The following PTPRN2 variants were observed in gnomAD, a reference collection of about 807,000 sequenced individuals.
PTPRN2 encodes receptor-type tyrosine-protein phosphatase N2.
PTPRN2 carries 74 observed loss-of-function variants against 118.8 expected under a neutral mutation model. The ratio of observed to expected loss-of-function variants is 0.62; its 90% CI spans 0.52 to 0.76. The LOEUF (loss-of-function observed/expected upper bound fraction) is 0.76. Among genes scored for constraint, PTPRN2 ranks in the 30% least tolerant of loss-of-function variants. The pLI, the probability that PTPRN2 is intolerant of heterozygous loss-of-function variation, is 0.00. For missense variants in PTPRN2, 1,481 were observed against 1,394.4 expected, an observed-to-expected ratio of 1.06 and a Z score of -0.99; for synonymous variants, 641 against 608.0, an observed-to-expected ratio of 1.05 and a Z score of -0.80.
chr7:157,811,249 T>C (rs1219990884), intron 12 of PTPRN2, among the ~76,000 whole-genome samples: 2 of 145,640 alleles, frequency 1.4e-5, no homozygotes, highest in African/African-American at 2.6e-5. Flanking sequence ...CCAGCCTGGA[T>C]GACAGAGCGA....
chr7:158,270,740 C>A (rs997856374), intron 3 of PTPRN2, among the ~76,000 whole-genome samples: 1 of 150,486 alleles, frequency 6.6e-6, no homozygotes, highest in Non-Finnish European at 1.5e-5. Flanking sequence ...CCTTCTCTAC[C>A]TGAGCCGTCT....
intron 6 of PTPRN2, among the ~76,000 whole-genome samples, chr7:158,166,361 A>T (rs55646019): frequency 0.47 from 4,646 of 9,956 alleles, 1,507 homozygotes; most frequent in African/African-American, 0.64. Context: ...TCCTCCTCCC[A>T]CTGGCCGCCG....
At chr7:157,955,753 G>T (rs555121166) in intron 11 of PTPRN2, among the ~76,000 whole-genome samples, 1 of 152,198 alleles carries the variant, frequency 6.6e-6, no homozygotes, top group Non-Finnish European at 1.5e-5. Flanking sequence ...GACACCCTGC[G>T]GGGTTTGCCT....
intron 6 of PTPRN2, among the ~76,000 whole-genome samples, chr7:158,161,104 GA>G (rs1015469117): frequency 5.3e-5 from 8 of 152,146 alleles, no homozygotes; most frequent in Non-Finnish European, 1.2e-4. Flanking sequence ...TCAGGATTAT[GA>G]CTGGCTCCCA....
At chr7:157,895,607 G>C (rs1011964386) in intron 12 of PTPRN2, among the ~76,000 whole-genome samples, 5 of 152,190 alleles carry the variant, frequency 3.3e-5, no homozygotes, top group African/African-American at 1.2e-4. Flanking sequence ...CAGCATTTGA[G>C]TTTTACAGCA....
At chr7:158,067,394 C>T (rs1464055903) in intron 11 of PTPRN2, among the ~76,000 whole-genome samples, 1 of 152,180 alleles carries the variant, frequency 6.6e-6, no homozygotes, top group Non-Finnish European at 1.5e-5. Context: ...AGCTCTTGGA[C>T]TGCAGCTGTG....
Position 158,007,167 on chromosome 7 carries a change from A to G in PTPRN2, c.1723+74131T>C, listed in dbSNP as rs77893112. Among the ~76,000 whole-genome samples, 875 of 152,184 alleles carry G rather than the reference A, an allele frequency of 5.7e-3. 6 individuals carry two copies. The highest frequency in any genetic ancestry group is 0.02 in the African/African-American group (843 of 41,526). The stretch of plus-strand genomic sequence containing the variant: ...CACCCCACGACCTCACATAACCTCA[A>G]TCGCCTCCTGAAAGACACTTTCTCC... On this transcript the variant is annotated intron_variant, in intron 11 of 22. Transcript: ENST00000389418.
intron 3 of PTPRN2, among the ~76,000 whole-genome samples, chr7:158,253,289 G>A (rs554287439): frequency 1.1e-4 from 17 of 151,006 alleles, no homozygotes; most frequent in Non-Finnish European, 1.9e-4. Context: ...CACAGCGGGC[G>A]GGGGCCTGAG....
At chr7:157,745,925 T>C (rs571013963) in intron 12 of PTPRN2, among the ~76,000 whole-genome samples, 3 of 151,282 alleles carry the variant, frequency 2.0e-5, no homozygotes, top group Non-Finnish European at 3.0e-5. Context: ...CTACACACCA[T>C]AGTCCATACA....
chr7:157,785,368 C>T lies in PTPRN2; in HGVS notation c.1789-102431G>A, dbSNP rs888369949. On this transcript the variant is annotated intron_variant, in intron 12 of 22. Coordinates refer to ENST00000389418, the MANE Select transcript of PTPRN2 (RefSeq NM_002847.5). The surrounding 1 kb of genome is among the most constrained non-coding windows in gnomAD (Gnocchi z 7.3). ...AAAGCCACTGAGTGAAAACAGACCA[C>T]GGTGCTCCAAAACGAAATCGCCCCC... Among the ~76,000 whole-genome samples the T allele has an allele frequency of 7.2e-5, 11 of 152,190 alleles. No homozygotes were observed. The highest frequency in any genetic ancestry group is 5.8e-4 in the East Asian group (3 of 5,168).
intron 4 of PTPRN2, among the ~76,000 whole-genome samples, chr7:158,194,185 C>A (rs149463355): frequency 6.6e-6 from 1 of 152,110 alleles, no homozygotes; most frequent in Non-Finnish European, 1.5e-5. Context: ...TGCGTGTGTG[C>A]GTTTGTCTGT....
At chr7:157,842,195 G>A (rs931185505) in intron 12 of PTPRN2, among the ~76,000 whole-genome samples, 17 of 151,972 alleles carry the variant, frequency 1.1e-4, no homozygotes, top group Admixed American at 3.9e-4. Context: ...GCTGTGAATC[G>A]GTGCTGCTGC....
chr7:158,175,515 T>A (rs1216061985), intron 5 of PTPRN2, among the ~76,000 whole-genome samples: 1 of 152,170 alleles, frequency 6.6e-6, no homozygotes, highest in Non-Finnish European at 1.5e-5. Context: ...GTAGAAAGTG[T>A]CAGTGTTTAA....
intron 2 of PTPRN2, among the ~76,000 whole-genome samples, chr7:158,318,153 C>G (rs1319290416): frequency 1.3e-5 from 2 of 152,136 alleles, no homozygotes; most frequent in Non-Finnish European, 2.9e-5. Flanking sequence ...GCCCGGCGCC[C>G]CCCACCGTCC....
intron 5 of PTPRN2, among the ~76,000 whole-genome samples, chr7:158,190,806 T>C (rs926548146): frequency 5.3e-5 from 8 of 152,242 alleles, no homozygotes; most frequent in African/African-American, 1.7e-4. Context: ...CAGGGCTCTG[T>C]TTGGCGGCCG....
At chr7:158,122,110 A>G (rs1444556370) in intron 9 of PTPRN2, among the ~76,000 whole-genome samples, 2 of 152,164 alleles carry the variant, frequency 1.3e-5, no homozygotes, top group African/African-American at 2.4e-5. Flanking sequence ...ATACCTGGAC[A>G]CTAATATTGC....
rs1022397882 is a variant in PTPRN2, at chr7:157,764,423, G to T, written c.1789-81486C>A. On this transcript the variant is annotated intron_variant, in intron 12 of 22. Transcript: ENST00000389418. The surrounding 1 kb of genome is among the most constrained non-coding windows in gnomAD (Gnocchi z 4.5). ...TGAAAAGGCAGAGATTTTGGATGCA[G>T]GCTACAACATGGATGAACCTTGAAG... Among the ~76,000 whole-genome samples, 1 of 152,230 alleles carries T rather than the reference G, an allele frequency of 6.6e-6. No individual in the cohort carries two copies.
Position 157,891,610 on chromosome 7 carries a change from G to T in PTPRN2, c.1788+7063C>A, listed in dbSNP as rs556866239. 6.0e-5 allele frequency among the ~76,000 whole-genome samples: 9 copies of T among 151,078 alleles called. No individual in the cohort carries two copies. In the South Asian group the frequency reaches 1.9e-3, roughly 32 times the overall value. ...ATCATGGCAAATTCACATTTTTCAT[G>T]GGGTGGATGCATGACCATAGGTTCA... On this transcript the variant is annotated intron_variant, in intron 12 of 22. Transcript: ENST00000389418.
Position 158,034,079 on chromosome 7 carries a change from G to A in PTPRN2, c.1723+47219C>T, listed in dbSNP as rs574219118. Reference sequence around the variant, plus strand: ...CCCCATTAAAAACTCTGCATGCTGAGGCCCAGGTGAGCATCCCTGCCCAGC... The same window carrying A: ...CCCCATTAAAAACTCTGCATGCTGAAGCCCAGGTGAGCATCCCTGCCCAGC... On this transcript the variant is annotated intron_variant, in intron 11 of 22. Transcript: ENST00000389418. Among the ~76,000 whole-genome samples, 8 of 150,892 alleles carry A rather than the reference G, an allele frequency of 5.3e-5. No homozygotes were observed. The South Asian group carries it at 1.7e-3, about 32-fold the overall frequency.
Sources: gnomAD v4.1 joint callset for allele counts (sites outside exome capture counted in the v4.1 genomes callset) on GRCh38, gnomAD v4.1.1 for gene constraint, Gnocchi (gnomAD v3.1) non-coding constraint, MANE v1.5 for transcripts, NCBI Gene and HGNC (gene_info 2026-07-23, HGNC 2026-07-21) for gene names.